Variants in EML4 observed in about 807,000 individuals in gnomAD.
EML4 encodes EMAP like 4.
In EML4, 72 loss-of-function variants were observed where a neutral mutation model predicts 129.0. That is an observed-to-expected ratio of 0.56 (90% CI 0.46 to 0.68). The LOEUF is 0.68. Among genes scored for constraint, EML4 ranks in the 30% least tolerant of loss-of-function variants. The pLI is 0.00. For synonymous variants in EML4, 532 were observed against 405.0 expected (o/e 1.31, Z -3.77); for missense variants, 1,363 against 1,190.6 (o/e 1.14, Z -2.13).
chr2:42,233,235 A>C (rs1674459548), intron 1 of EML4, among the ~76,000 whole-genome samples: 1 of 151,976 alleles, frequency 6.6e-6, no homozygotes, highest in South Asian at 2.1e-4. Context: ...GAGTTGGTTT[A>C]AATTTATAAA....
intron 1 of EML4, among the ~76,000 whole-genome samples, chr2:42,224,130 CAG>C (rs796140494): frequency 3.5e-4 from 54 of 152,150 alleles, no homozygotes; most frequent in African/African-American, 1.2e-3. Context: ...AATATATTCA[CAG>C]AGTTGTGCAC....
chr2:42,326,127 T>G lies in EML4; in HGVS notation c.2243-27T>G, dbSNP rs1438747981. The G allele has an allele frequency of 3.1e-6, 5 of 1,610,656 alleles. No homozygotes were observed. The African/African-American group carries it at 6.7e-5, about 22-fold the overall frequency. Reference sequence around the variant, plus strand: ...ATACATTTGTACACAAGCACTATGATTATACTTCCTGTTTCTAAATTTAAA... The same window carrying G: ...ATACATTTGTACACAAGCACTATGAGTATACTTCCTGTTTCTAAATTTAAA... On this transcript the variant is annotated intron_variant, in intron 20 of 22. Coordinates refer to ENST00000318522, the MANE Select transcript of EML4 (RefSeq NM_019063.5).
At chr2:42,327,185 T>C (rs1353904233) in intron 21 of EML4, among the ~76,000 whole-genome samples, 1 of 152,210 alleles carries the variant, frequency 6.6e-6, no homozygotes, top group African/African-American at 2.4e-5. Flanking sequence ...ACTTTACTCT[T>C]TTTATGGCTG....
chr2:42,284,998 T>C (rs1572688976), intron 9 of EML4, among the ~76,000 whole-genome samples: 2 of 152,174 alleles, frequency 1.3e-5, no homozygotes, highest in Admixed American at 6.5e-5. Flanking sequence ...ACATATAAAG[T>C]AACCAGTGTC....
rs973493494 is a variant in EML4, at chr2:42,169,468, GGACGGAC to G, written c.-137_-131del. 4.2e-6 allele frequency: 4 copies of G among 946,496 alleles called. No homozygotes were observed. In the African/African-American group the frequency reaches 6.8e-5, roughly 16 times the overall value. 58.6% of individuals were successfully genotyped at this position (946,496 alleles called of 1,614,324 possible). On this transcript the variant is annotated 5_prime_UTR_variant, in exon 1 of 23. Transcript: ENST00000318522. ...CGCGGCTTACTACCCCAGGGCGAACGGACGGACGACGGAGGCGGGAGCCGGTAGCCGA... is the reference window on the plus strand; with the variant it reads ...CGCGGCTTACTACCCCAGGGCGAACGGACGGAGGCGGGAGCCGGTAGCCGA...
At position 42,304,567 on chromosome 2, in the gene EML4, G is replaced by A. The variant is rs115690499; in HGVS notation, c.1967+16G>A. The A allele has an allele frequency of 6.3e-7, 1 of 1,598,802 alleles. No homozygotes were observed. On this transcript the variant is annotated intron_variant, in intron 17 of 22. Transcript: ENST00000318522. The stretch of plus-strand genomic sequence containing the variant: ...ACTCAGGCAGGTAGGGTCTTTAAGT[G>A]AACTGAGTAATCTGAAGTGGTGGGA...
At position 42,280,949 on chromosome 2, in the gene EML4, C is replaced by T. The variant is rs958629819; in HGVS notation, c.767C>T (p.Pro256Leu). The T allele has an allele frequency of 6.2e-7, 1 of 1,607,870 alleles. No homozygotes were observed. The highest frequency in any genetic ancestry group is 8.5e-7 in the Non-Finnish European group (1 of 1,177,948). Residue 256 changes from proline to leucine, a missense_variant, in exon 7 of 23, where the codon CCT becomes CTT. Transcript: ENST00000318522. ...NYDDIRTELPPEKLKLEWAYG... is the reference protein window; with the variant it reads ...NYDDIRTELPLEKLKLEWAYG... The stretch of plus-strand genomic sequence containing the variant: ...GATGACATCAGAACGGAACTGCCTC[C>T]TGAGAAGCTCAAACTGGAGTGGGCG...
chr2:42,217,795 C>T (rs1438282032), intron 1 of EML4, among the ~76,000 whole-genome samples: 1 of 152,136 alleles, frequency 6.6e-6, no homozygotes, highest in Non-Finnish European at 1.5e-5. Context: ...ATATTATAAC[C>T]AAACTCACTA....
intron 22 of EML4, 38 bp downstream of exon 22, chr2:42,329,054 T>TTC: frequency 6.3e-7 from 1 of 1,589,870 alleles, no homozygotes; most frequent in Non-Finnish European, 8.6e-7. Context: ...TTATAAGGCC[T>TTC]TCTGTCCAGG....
intron 1 of EML4, among the ~76,000 whole-genome samples, chr2:42,234,327 T>C (rs545365788): frequency 6.6e-6 from 1 of 152,342 alleles, no homozygotes; most frequent in African/African-American, 2.4e-5. Context: ...GCTTTGAAAC[T>C]ATCTGGGAAG....
At chr2:42,279,769 C>T (rs1365811804) in intron 6 of EML4, among the ~76,000 whole-genome samples, 3 of 133,876 alleles carry the variant, frequency 2.2e-5, no homozygotes, top group Admixed American at 2.1e-4. Context: ...CCACCGCGCC[C>T]GGCTGTCTTT....
chr2:42,232,817 C>T (rs1266913872), intron 1 of EML4, among the ~76,000 whole-genome samples: 3 of 152,100 alleles, frequency 2.0e-5, no homozygotes, highest in Non-Finnish European at 2.9e-5. Context: ...CTCCGCCTCC[C>T]GAGTTCATGC....
chr2:42,260,838 C>T (rs1029802595), intron 3 of EML4, among the ~76,000 whole-genome samples: 3 of 152,098 alleles, frequency 2.0e-5, no homozygotes, highest in African/African-American at 7.2e-5. Flanking sequence ...CATTTGTCCC[C>T]CAAAATCTGC....
intron 2 of EML4, among the ~76,000 whole-genome samples, chr2:42,251,313 G>A (rs1454829344): frequency 1.3e-5 from 2 of 152,216 alleles, no homozygotes; most frequent in East Asian, 1.9e-4. Flanking sequence ...GACCACTGTC[G>A]TATATGCAGT....
At chr2:42,201,080 C>T (rs1336253707) in intron 1 of EML4, among the ~76,000 whole-genome samples, 1 of 152,152 alleles carries the variant, frequency 6.6e-6, no homozygotes, top group Non-Finnish European at 1.5e-5. Flanking sequence ...ATTCTAATTT[C>T]CATCAATCAA....
At chr2:42,288,966 A>C (rs993152492) in intron 11 of EML4, 4 of 152,218 alleles carry the variant, frequency 2.6e-5, no homozygotes, top group African/African-American at 7.2e-5. Context: ...GGCTTTAAAA[A>C]GTCTGTGTAA....
intron 1 of EML4, among the ~76,000 whole-genome samples, chr2:42,223,571 TCTC>T (rs1288363736): frequency 6.6e-6 from 1 of 152,094 alleles, no homozygotes; most frequent in Non-Finnish European, 1.5e-5. Flanking sequence ...TCATCTTTCT[TCTC>T]CTTGCTTACA....
chr2:42,309,700 A>G (rs1243448416), intron 17 of EML4, among the ~76,000 whole-genome samples: 1 of 152,206 alleles, frequency 6.6e-6, no homozygotes, highest in African/African-American at 2.4e-5. Context: ...TCCTCTTTAG[A>G]GAAATGTATG....
intron 1 of EML4, among the ~76,000 whole-genome samples, chr2:42,177,486 G>GGTGGT (rs1230743223): frequency 6.6e-6 from 1 of 152,038 alleles, no homozygotes; most frequent in Non-Finnish European, 1.5e-5. Context: ...AGCCAGGCAT[G>GGTGGT]GTGGTGCACG....
Sources: gnomAD v4.1 joint callset for allele counts (sites outside exome capture counted in the v4.1 genomes callset) on GRCh38, gnomAD v4.1.1 for gene constraint, MANE v1.5 for transcripts, NCBI Gene and HGNC (gene_info 2026-07-23, HGNC 2026-07-21) for gene names.